Variants in CPSF2 observed in about 807,000 individuals in gnomAD.
CPSF2 encodes cleavage and polyadenylation specific factor 2.
In CPSF2, 51 loss-of-function variants were observed where a neutral mutation model predicts 84.2. The ratio of observed to expected loss-of-function variants is 0.61; its 90% CI spans 0.48 to 0.77. The LOEUF is 0.77. CPSF2 is among the 30% of genes least tolerant of loss of function. The pLI is 0.00. For synonymous variants in CPSF2, 286 were observed against 311.9 expected, an observed-to-expected ratio of 0.92 and a Z score of 0.87; for missense variants, 641 against 929.4, an observed-to-expected ratio of 0.69 and a Z score of 4.03.
chr14:92,150,696 T>G (rs2069204179), intron 9 of CPSF2, among the ~76,000 whole-genome samples: 1 of 152,164 alleles, frequency 6.6e-6, no homozygotes, highest in African/African-American at 2.4e-5. Context: ...AGTGCTAGAA[T>G]TACAGGCATG....
intron 6 of CPSF2, among the ~76,000 whole-genome samples, chr14:92,137,096 A>G (rs936110343): frequency 2.0e-5 from 3 of 152,132 alleles, no homozygotes; most frequent in Admixed American, 6.5e-5. Flanking sequence ...AAGATCAAGT[A>G]TTAATTTATT....
chr14:92,143,685 A>G (rs1175438831), intron 9 of CPSF2, among the ~76,000 whole-genome samples: 1 of 152,218 alleles, frequency 6.6e-6, no homozygotes, highest in Non-Finnish European at 1.5e-5. Flanking sequence ...AGTTCCGTGC[A>G]GCCTCAAACT....
chr14:92,156,632 G>A lies in CPSF2; in HGVS notation c.1595+1G>A. The A allele has an allele frequency of 6.5e-7, 1 of 1,535,408 alleles. No individual in the cohort carries two copies. The highest frequency in any genetic ancestry group is 8.8e-7 in the Non-Finnish European group (1 of 1,135,310). On this transcript the variant is annotated splice_donor_variant, in intron 12 of 15. Coordinates refer to ENST00000298875, the MANE Select transcript of CPSF2 (RefSeq NM_017437.3). LOFTEE classifies it high-confidence loss of function. Reference sequence around the variant, plus strand: ...CTACAACAGAGTCTATTGAAATAAAGTAAGTGCTTTTGTGACATTTTGAAA... The same window carrying A: ...CTACAACAGAGTCTATTGAAATAAAATAAGTGCTTTTGTGACATTTTGAAA...
chr14:92,137,506 T>G (rs1469310003), intron 6 of CPSF2, among the ~76,000 whole-genome samples: 2 of 152,148 alleles, frequency 1.3e-5, no homozygotes, highest in Non-Finnish European at 2.9e-5. Context: ...ACTGCACTAG[T>G]CCAAAATTAT....
rs1348490477 is a variant in CPSF2, at chr14:92,168,073, C to T, written c.*6329C>T. On this transcript the variant is annotated 3_prime_UTR_variant, in exon 16 of 16. Transcript: ENST00000298875. The stretch of plus-strand genomic sequence containing the variant: ...ACCAGCCTGGCCAACATGGTGAAAC[C>T]TCATCTCTACTAAAATTACGAAAAA... 1 of 151,610 alleles carries T rather than the reference C, an allele frequency of 6.6e-6. No individual in the cohort carries two copies. The highest frequency in any genetic ancestry group is 1.5e-5 in the Non-Finnish European group (1 of 67,922). The allele number at this position is 151,610 out of a possible 1,614,324, so 9.4% of individuals were successfully genotyped here. A position where few individuals can be genotyped will look rare whatever the true frequency, so the allele number is the denominator to read the frequency against.
intron 5 of CPSF2, among the ~76,000 whole-genome samples, chr14:92,134,805 A>G (rs955769405): frequency 6.6e-6 from 1 of 152,224 alleles, no homozygotes; most frequent in Non-Finnish European, 1.5e-5. Flanking sequence ...TACTAAGTCT[A>G]TATTTATCAT....
At chr14:92,127,393 T>C (rs2068856879) in intron 2 of CPSF2, among the ~76,000 whole-genome samples, 1 of 152,180 alleles carries the variant, frequency 6.6e-6, no homozygotes, top group Non-Finnish European at 1.5e-5. Context: ...AGAAATATAA[T>C]GAGTTGTTAT....
At chr14:92,158,506 C>T in intron 13 of CPSF2, among the ~76,000 whole-genome samples, 1 of 152,052 alleles carries the variant, frequency 6.6e-6, no homozygotes, top group East Asian at 1.9e-4. Flanking sequence ...AAGCAACCTT[C>T]CAAGAATATG....
At chr14:92,156,351 T>C in intron 11 of CPSF2, 128 bp from the exon 12 acceptor site, 2 of 711,758 alleles carry the variant, frequency 2.8e-6, no homozygotes, top group East Asian at 5.4e-5. Context: ...TGCATCAGCT[T>C]TGGATGAAAT....
Position 92,171,362 on chromosome 14 carries a change from A to G in CPSF2, c.*9618A>G, listed in dbSNP as rs2069514876. The G allele has an allele frequency of 6.6e-6, 1 of 152,162 alleles. No individual in the cohort carries two copies. The highest frequency in any genetic ancestry group is 2.1e-4 in the South Asian group (1 of 4,832). 9.4% of individuals were successfully genotyped at this position (152,162 alleles called of 1,614,324 possible). The stretch of plus-strand genomic sequence containing the variant: ...TTCAATATTTATATCAGTATAGAAC[A>G]TGGGTCCCTGTTTTATCATCTGTAA... On this transcript the variant is annotated 3_prime_UTR_variant, in exon 16 of 16. Transcript: ENST00000298875.
chr14:92,130,793 A>T (rs2068914123), intron 2 of CPSF2, among the ~76,000 whole-genome samples, 158 bp from the exon 3 acceptor site: 1 of 152,150 alleles, frequency 6.6e-6, no homozygotes. Context: ...AAAAAAAAAA[A>T]GTAAACTTGG....
intron 8 of CPSF2, 84 bp from the exon 9 acceptor site, chr14:92,142,920 A>G: frequency 8.3e-7 from 1 of 1,207,914 alleles, no homozygotes; most frequent in Non-Finnish European, 1.2e-6. Flanking sequence ...TAAAAGATAG[A>G]ACTTGAATTC....
intron 3 of CPSF2, 43 bp from the exon 4 acceptor site, chr14:92,133,968 T>G: frequency 6.2e-7 from 1 of 1,604,366 alleles, no homozygotes; most frequent in Non-Finnish European, 8.5e-7. Context: ...TCTTTACCCT[T>G]AAAAAGATTC....
intron 9 of CPSF2, among the ~76,000 whole-genome samples, chr14:92,151,608 AT>A (rs2069218839): frequency 6.6e-6 from 1 of 152,196 alleles, no homozygotes; most frequent in Non-Finnish European, 1.5e-5. Flanking sequence ...TCAACTATAC[AT>A]GCGTATAAGC....
rs777562704 is a variant in CPSF2 at position 92,130,994 on chromosome 14, A to G, written c.10A>G (p.Ile4Val). The G allele has an allele frequency of 1.9e-6, 3 of 1,609,942 alleles. No homozygotes were observed. The highest frequency in any genetic ancestry group is 8.5e-7 in the Non-Finnish European group (1 of 1,179,134). The change falls in exon 3 of 16, where the codon ATT (isoleucine) becomes GTT (valine). Residue 4 changes from isoleucine (I) to valine (V), a missense_variant. Transcript: ENST00000298875. MTS[I>V]IKLTTLSGVQ... ...TTCTGGACCAAAAAAAATGACGTCT[A>G]TTATCAAATTAACTACCCTTTCTGG... is the stretch of plus-strand genomic sequence containing the variant.
intron 6 of CPSF2, 114 bp from the exon 7 acceptor site, chr14:92,138,118 T>C (rs1595055598): frequency 2.2e-6 from 1 of 460,122 alleles, no homozygotes; most frequent in Non-Finnish European, 3.9e-6. Flanking sequence ...TCTACTTTTA[T>C]AGTTAGAGGA....
At chr14:92,138,688 C>G (rs1425755031) in intron 7 of CPSF2, among the ~76,000 whole-genome samples, 6 of 152,130 alleles carry the variant, frequency 3.9e-5, no homozygotes, top group Non-Finnish European at 8.8e-5. Flanking sequence ...CCTTGGCCTC[C>G]CAAAGTGCTG....
rs2069490016 is a variant in CPSF2 at position 92,169,360 on chromosome 14, G to T, written c.*7616G>T. 1 of 152,052 alleles carries T rather than the reference G, an allele frequency of 6.6e-6. No individual in the cohort carries two copies. 9.4% of individuals were successfully genotyped at this position (152,052 alleles called of 1,614,324 possible). ...AAAAGGACTTTAAAAACCCTCTCAG[G>T]ACAAACATTTGCTACCGTGGTTGAT... On this transcript the variant is annotated 3_prime_UTR_variant, in exon 16 of 16. Coordinates refer to ENST00000298875, the MANE Select transcript of CPSF2 (RefSeq NM_017437.3).
intron 7 of CPSF2, among the ~76,000 whole-genome samples, chr14:92,139,539 CT>C (rs751552254): frequency 0.022 from 3,033 of 136,520 alleles, 66 homozygotes; most frequent in African/African-American, 0.075. Context: ...ATCTTACATT[CT>C]TTTTTTTTTT....
Sources: gnomAD v4.1 joint callset for allele counts (sites outside exome capture counted in the v4.1 genomes callset) on GRCh38, gnomAD v4.1.1 for gene constraint, MANE v1.5 for transcripts, NCBI Gene and HGNC (gene_info 2026-07-23, HGNC 2026-07-21) for gene names.